WDPCP: variants seen among roughly 807,000 people sequenced by gnomAD.
WDPCP encodes WD repeat-containing and planar cell polarity effector protein fritz homolog.
A neutral mutation model predicts 93.1 loss-of-function variants in WDPCP; 71 were observed. That is an observed-to-expected ratio of 0.76 (90% CI 0.63 to 0.93). The LOEUF (loss-of-function observed/expected upper bound fraction) is 0.93, where lower values mean the gene tolerates loss of function less well. Among genes scored for constraint, WDPCP ranks in the 40% least tolerant of loss-of-function variants. The pLI is 0.00. For missense variants in WDPCP, 844 were observed against 887.4 expected (o/e 0.95, Z 0.62); for synonymous variants, 315 against 315.0 (o/e 1.00, Z 0.00).
At chr2:63,835,774 A>G in the WDPCP span, among the ~76,000 whole-genome samples, 3 of 152,140 alleles carry the variant, frequency 2.0e-5, no homozygotes, top group Non-Finnish European at 4.4e-5. Flanking sequence ...TTATTCTCTA[A>G]TCATATTATC....
chr2:63,120,643 C>T lies in WDPCP; in HGVS notation c.*1363G>A, dbSNP rs950198305. On this transcript the variant is annotated 3_prime_UTR_variant, in exon 18 of 18. Transcript: ENST00000272321. ...CCGGGTTCACGCCATTCTCCTGCTTCAGCCTCCCAAGTAGTTGGGACTACA... is the reference window on the plus strand; with the variant it reads ...CCGGGTTCACGCCATTCTCCTGCTTTAGCCTCCCAAGTAGTTGGGACTACA... Among the ~76,000 whole-genome samples, 1 of 150,556 alleles carries T rather than the reference C, an allele frequency of 6.6e-6. No individual in the cohort carries two copies. The highest frequency in any genetic ancestry group is 6.6e-5 in the Admixed American group (1 of 15,056).
Position 63,808,911 on chromosome 2 carries a change from G to A in WDPCP, n.308+4711C>T, listed in dbSNP as rs371478858. Among the ~76,000 whole-genome samples the A allele has an allele frequency of 2.8e-4, 43 of 151,710 alleles. No individual in the cohort carries two copies. The South Asian group carries it at 5.0e-3, about 18-fold the overall frequency. Reference sequence around the variant, plus strand: ...TAGGAAATGAGGAGCGCCTCTTCCCGGCCGCCATCCCATCTAGGAAGTGAG... The same window carrying A: ...TAGGAAATGAGGAGCGCCTCTTCCCAGCCGCCATCCCATCTAGGAAGTGAG... On this transcript the variant is annotated intron_variant and non_coding_transcript_variant, in intron 2 of 4. Coordinates refer to the WDPCP transcript ENST00000467687.
At position 63,604,854 on chromosome 2, in the gene WDPCP, C is replaced by T. The variant is rs763691063; in HGVS notation, n.488+45805G>A. The T allele has an allele frequency of 4.3e-6, 7 of 1,614,090 alleles. 1 individual carries two copies. The highest frequency in any genetic ancestry group is 1.7e-5 in the Admixed American group (1 of 60,002). On this transcript the variant is annotated intron_variant and non_coding_transcript_variant, in intron 3 of 4. Coordinates refer to the WDPCP transcript ENST00000467687. ...AAGCTCTGAAAGATGACAGCTGGCT[C>T]AAGGGAGAATTTGTCACGGTAAGAA...
chr2:63,283,848 G>A (rs147244179), intron 13 of WDPCP, among the ~76,000 whole-genome samples: 7 of 152,290 alleles, frequency 4.6e-5, no homozygotes, highest in Non-Finnish European at 8.8e-5. Flanking sequence ...TAGTTGTGTT[G>A]TTTCGATTCT....
chr2:63,487,362 T>C (rs1237055455), intron 3 of WDPCP, 85 bp downstream of exon 3: 1 of 976,670 alleles, frequency 1.0e-6, no homozygotes, highest in Non-Finnish European at 1.6e-6. Flanking sequence ...CTAAAGCTCA[T>C]GAGAAGAGAG....
chr2:63,396,656 C>CTT lies in WDPCP; in HGVS notation c.1435+7391_1435+7392insAA, dbSNP rs11455583. Among the ~76,000 whole-genome samples, 280 of 150,172 alleles carry CTT rather than the reference C, an allele frequency of 1.9e-3. 2 individuals are homozygous for CTT. Among genetic ancestry groups the CTT allele is most frequent in the African/African-American group, 5.8e-3 (239 of 41,064 alleles). On this transcript the variant is annotated intron_variant, in intron 10 of 17. Coordinates refer to ENST00000272321, the MANE Select transcript of WDPCP (RefSeq NM_015910.7). ...GGGCTTATCAACCACTAAAGTATTTCTCTTTTTTTTTAACTTTTATTTTAG... is the reference window on the plus strand; with the variant it reads ...GGGCTTATCAACCACTAAAGTATTTCTTTCTTTTTTTTTAACTTTTATTTTAG...
intron 2 of WDPCP, among the ~76,000 whole-genome samples, chr2:63,683,329 C>G (rs1176472508): frequency 6.6e-6 from 1 of 152,030 alleles, no homozygotes; most frequent in Non-Finnish European, 1.5e-5. Context: ...GCAAAACCCA[C>G]TAATCTATTA....
chr2:63,751,696 ATCT>A (rs1436695315), intron 2 of WDPCP: 30 of 513,954 alleles, frequency 5.8e-5, no homozygotes, highest in Non-Finnish European at 1.1e-4. Flanking sequence ...AGTAACTAAA[ATCT>A]TCTCCCATTG....
chr2:63,123,882 T>C (rs1669712897), intron 17 of WDPCP, among the ~76,000 whole-genome samples: 1 of 150,922 alleles, frequency 6.6e-6, no homozygotes, highest in Non-Finnish European at 1.5e-5. Flanking sequence ...TGTATATATA[T>C]ATATAATTCT....
intron 12 of WDPCP, among the ~76,000 whole-genome samples, chr2:63,322,887 G>T (rs1687231337): frequency 6.6e-6 from 1 of 152,194 alleles, no homozygotes; most frequent in South Asian, 2.1e-4. Flanking sequence ...AGAATTCGGG[G>T]TCTAAATACC....
At chr2:63,223,360 G>A (rs1380902245) in intron 14 of WDPCP, among the ~76,000 whole-genome samples, 1 of 152,080 alleles carries the variant, frequency 6.6e-6, no homozygotes, top group East Asian at 1.9e-4. Context: ...CCACCCTCAC[G>A]TGTGAGAATC....
rs181307361 is a variant in WDPCP at position 63,230,635 on chromosome 2, G to A, written c.1915+28672C>T. Among the ~76,000 whole-genome samples, 1,052 of 152,264 alleles carry A rather than the reference G, an allele frequency of 6.9e-3. 3 individuals are homozygous for A. Among genetic ancestry groups the A allele is most frequent in the Non-Finnish European group, 9.5e-3 (646 of 68,016 alleles). On this transcript the variant is annotated intron_variant, in intron 14 of 17. Coordinates refer to ENST00000272321, the MANE Select transcript of WDPCP (RefSeq NM_015910.7). ...CTTTTTAGTGACCGCCATTCTAACT[G>A]GTGTGAGATGGTATCTCATTGTGGT...
upstream of WDPCP, chr2:63,593,592 G>A (rs1351505415): frequency 2.1e-6 from 1 of 471,572 alleles, no homozygotes; most frequent in Non-Finnish European, 4.4e-6. Flanking sequence ...AAACACTTCT[G>A]GGCTTAGTCA....
chr2:63,822,957 C>A (rs1357615658), intron 1 of WDPCP, among the ~76,000 whole-genome samples: 2 of 151,074 alleles, frequency 1.3e-5, no homozygotes, highest in African/African-American at 4.9e-5. Flanking sequence ...TGTAAAAATA[C>A]AAAACACCCA....
chr2:63,575,146 G>C (rs150986555), intron 1 of WDPCP, among the ~76,000 whole-genome samples: 1 of 150,734 alleles, frequency 6.6e-6, no homozygotes, highest in Admixed American at 6.6e-5. Context: ...GCTGCCTAGG[G>C]GACAACTACC....
intron 1 of WDPCP, among the ~76,000 whole-genome samples, chr2:63,583,528 A>G (rs1708629624): frequency 6.6e-6 from 1 of 152,118 alleles, no homozygotes; most frequent in Non-Finnish European, 1.5e-5. Flanking sequence ...TAAAAATACA[A>G]AAATTAGCTG....
intron 14 of WDPCP, among the ~76,000 whole-genome samples, chr2:63,207,362 A>C (rs1676420332): frequency 6.6e-6 from 1 of 152,110 alleles, no homozygotes; most frequent in Non-Finnish European, 1.5e-5. Flanking sequence ...CATGTGAAGA[A>C]GGAGCTTGCT....
chr2:63,445,526 AG>A (rs1697797301), intron 6 of WDPCP, among the ~76,000 whole-genome samples: 1 of 152,192 alleles, frequency 6.6e-6, no homozygotes, highest in South Asian at 2.1e-4. Flanking sequence ...ATAAAAGAAA[AG>A]TGATCATTCC....
At chr2:63,230,869 C>T (rs62177791) in intron 14 of WDPCP, among the ~76,000 whole-genome samples, 1 of 152,042 alleles carries the variant, frequency 6.6e-6, no homozygotes, top group African/African-American at 2.4e-5. Context: ...AAAATTTTCT[C>T]CCATTCTGTA....
Sources: gnomAD v4.1 joint callset for allele counts (sites outside exome capture counted in the v4.1 genomes callset) on GRCh38, gnomAD v4.1.1 for gene constraint, MANE v1.5 for transcripts, NCBI Gene and HGNC (gene_info 2026-07-23, HGNC 2026-07-21) for gene names.